Variants in ZNF236 observed in about 807,000 individuals in gnomAD.
The protein encoded by ZNF236 is regulated by glucose.
Under a neutral mutation model 191.2 loss-of-function variants are expected in ZNF236, and 50 were observed. The observed-to-expected ratio is 0.26, with a 90% CI of 0.21 to 0.33. The LOEUF (loss-of-function observed/expected upper bound fraction) is 0.33. ZNF236 is among the 10% of genes least tolerant of loss of function. The pLI is 1.00. For synonymous variants in ZNF236, 907 were observed against 928.8 expected (o/e 0.98, Z 0.43); for missense variants, 1,754 against 2,374.5 (o/e 0.74, Z 5.43).
chr18:76,832,317 G>T (rs1275241680), intron 1 of ZNF236, among the ~76,000 whole-genome samples: 1 of 152,170 alleles, frequency 6.6e-6, no homozygotes, highest in Non-Finnish European at 1.5e-5. Flanking sequence ...CTCGCCTCAG[G>T]TGGTCCGCCC....
At chr18:76,966,026 C>CTT (rs1307446776) in intron 30 of ZNF236, among the ~76,000 whole-genome samples, 7 of 152,160 alleles carry the variant, frequency 4.6e-5, no homozygotes, top group Non-Finnish European at 1.0e-4. Flanking sequence ...CTAGGCGTGT[C>CTT]TGAGCTCAGA....
intron 1 of ZNF236, among the ~76,000 whole-genome samples, chr18:76,836,288 A>G (rs556689419): frequency 2.9e-4 from 41 of 142,084 alleles, no homozygotes; most frequent in South Asian, 6.8e-4. Context: ...TGGTGCGAGC[A>G]TAGCTCACTG....
intron 16 of ZNF236, among the ~76,000 whole-genome samples, chr18:76,911,539 A>G (rs1020270714): frequency 6.6e-6 from 1 of 152,232 alleles, no homozygotes; most frequent in African/African-American, 2.4e-5. Flanking sequence ...GTTGTGGTTT[A>G]TCTAAGTTGG....
intron 27 of ZNF236, among the ~76,000 whole-genome samples, chr18:76,954,970 CTTAT>C (rs1412040748): frequency 5.9e-5 from 9 of 152,054 alleles, no homozygotes; most frequent in African/African-American, 1.9e-4. Context: ...TTAATGTTTA[CTTAT>C]TTCTTATATT....
rs1242843760 is a variant in ZNF236, at chr18:76,960,588, A to G, written c.5243-91A>G. On this transcript the variant is annotated intron_variant, in intron 29 of 30. Coordinates refer to ENST00000320610, the MANE Select transcript of ZNF236 (RefSeq NM_001306089.2). This position sits in a 1 kb window ranked among gnomAD's most constrained non-coding sequence, Gnocchi z 4.4. ...TGAAAGCCTAAAAGAAAAGAGGAAC[A>G]TTCAGTCCCTCTTGTTCATACCTCA... 3 of 1,448,816 alleles carry G rather than the reference A, an allele frequency of 2.1e-6. No individual in the cohort carries two copies. Among genetic ancestry groups the G allele is most frequent in the Admixed American group, 1.8e-5 (1 of 55,724 alleles). The allele number at this position is 1,448,816 out of a possible 1,614,324, so 89.7% of individuals were successfully genotyped here.
chr18:76,935,908 A>G (rs1245372075), intron 25 of ZNF236: 5 of 453,750 alleles, frequency 1.1e-5, no homozygotes, highest in Non-Finnish European at 2.2e-5. Flanking sequence ...TGACCTAGCT[A>G]TCTGTGGAGC....
intron 21 of ZNF236, among the ~76,000 whole-genome samples, chr18:76,923,518 T>A (rs1261504439): frequency 6.6e-6 from 1 of 152,250 alleles, no homozygotes; most frequent in Non-Finnish European, 1.5e-5. Flanking sequence ...ACCTGGCACT[T>A]AGCAAATCTG....
At chr18:76,906,221 CA>C (rs1977736013) in intron 13 of ZNF236, among the ~76,000 whole-genome samples, 1 of 152,220 alleles carries the variant, frequency 6.6e-6, no homozygotes, top group South Asian at 2.1e-4. Context: ...ACTGCCTAAG[CA>C]CCCTCAACAG....
chr18:76,901,423 T>G (rs1387861269), intron 11 of ZNF236, among the ~76,000 whole-genome samples: 3 of 152,156 alleles, frequency 2.0e-5, no homozygotes, highest in Non-Finnish European at 4.4e-5. Context: ...AACTCCAAAA[T>G]ACACAACAAA....
At chr18:76,822,790 G>A (rs1477701549) in intron 1 of ZNF236, 128 bp downstream of exon 1, 2 of 144,700 alleles carry the variant, frequency 1.4e-5, no homozygotes, top group East Asian at 4.0e-4. Context: ...GCGCAGACCC[G>A]GGCCGCCGCC....
chr18:76,966,945 G>C (rs1968790153), intron 30 of ZNF236, among the ~76,000 whole-genome samples: 1 of 152,222 alleles, frequency 6.6e-6, no homozygotes, highest in Admixed American at 6.5e-5. Flanking sequence ...GCATTTTGCG[G>C]GTGTGATTTG....
intron 1 of ZNF236, among the ~76,000 whole-genome samples, chr18:76,845,151 A>G (rs1322302745): frequency 6.6e-6 from 1 of 152,230 alleles, no homozygotes; most frequent in African/African-American, 2.4e-5. Flanking sequence ...AAGGCAAACA[A>G]AGCTGCTCAT....
chr18:76,924,044 T>C (rs1401508522), intron 21 of ZNF236, among the ~76,000 whole-genome samples: 2 of 152,182 alleles, frequency 1.3e-5, no homozygotes, highest in Non-Finnish European at 2.9e-5. Context: ...TTTCACACAT[T>C]TACCTGAAGC....
intron 10 of ZNF236, among the ~76,000 whole-genome samples, chr18:76,897,385 C>T (rs922638331): frequency 6.7e-6 from 1 of 149,892 alleles, no homozygotes; most frequent in African/African-American, 2.5e-5. Context: ...ACATAGAGTA[C>T]CAAACACAGT....
Position 76,960,685 on chromosome 18 carries a change from G to A in ZNF236, c.5249G>A (p.Arg1750Gln), listed in dbSNP as rs376389410. ...TATGCCATTTTCTGTACAGGGGAGC[G>A]GCCGTTCCATTGCACGCTTTGTGAG... ...ERHSRIHTGE[R>Q]PFHCTLCEKA... Residue 1750 changes from arginine to glutamine, a missense_variant, in exon 30 of 31, where the codon CGG becomes CAG. Transcript: ENST00000320610. The surrounding 1 kb of genome is among the most constrained non-coding windows in gnomAD (Gnocchi z 4.4). 6.8e-5 allele frequency: 109 copies of A among 1,614,008 alleles called. 1 individual carries two copies. The highest frequency in any genetic ancestry group is 6.9e-5 in the Non-Finnish European group (82 of 1,180,040).
chr18:76,828,640 C>CTA (rs1334910452), intron 1 of ZNF236, among the ~76,000 whole-genome samples: 1 of 152,176 alleles, frequency 6.6e-6, no homozygotes, highest in Non-Finnish European at 1.5e-5. Flanking sequence ...CATAATTGAA[C>CTA]TTTTTAGGTA....
At chr18:76,948,463 C>T (rs1251984641) in intron 27 of ZNF236, among the ~76,000 whole-genome samples, 1 of 152,184 alleles carries the variant, frequency 6.6e-6, no homozygotes, top group Non-Finnish European at 1.5e-5. Context: ...AGACTGCCTT[C>T]AGGTTTGACG....
intron 30 of ZNF236, among the ~76,000 whole-genome samples, chr18:76,966,908 C>CT (rs1416604313): frequency 6.6e-6 from 1 of 152,206 alleles, no homozygotes; most frequent in Non-Finnish European, 1.5e-5. Flanking sequence ...ATGTTAAAGT[C>CT]TGAGTAGACC....
At chr18:76,894,516 T>C (rs557436085) in intron 9 of ZNF236, among the ~76,000 whole-genome samples, 2 of 152,360 alleles carry the variant, frequency 1.3e-5, no homozygotes, top group East Asian at 1.9e-4. Context: ...GATCCACTTA[T>C]ATTTTATCAT....
Sources: gnomAD v4.1 joint callset for allele counts (sites outside exome capture counted in the v4.1 genomes callset) on GRCh38, gnomAD v4.1.1 for gene constraint, Gnocchi (gnomAD v3.1) non-coding constraint, MANE v1.5 for transcripts, NCBI Gene and HGNC (gene_info 2026-07-23, HGNC 2026-07-21) for gene names.